Variants in THUMPD2 observed in about 807,000 individuals in gnomAD.
THUMPD2 encodes the protein U6 snRNA (guanine-N(2))-methyltransferase THUMPD2.
THUMPD2 carries 56 observed loss-of-function variants against 49.4 expected under a neutral mutation model. The ratio of observed to expected loss-of-function variants is 1.13; its 90% CI spans 0.91 to 1.41. THUMPD2 has a LOEUF of 1.41. Ranked by LOEUF, THUMPD2 falls within the 40% of genes most tolerant of loss-of-function variation. The pLI, the probability that THUMPD2 is intolerant of heterozygous loss-of-function variation, is 0.00. For synonymous variants in THUMPD2, 237 were observed against 205.2 expected (o/e 1.15, Z -1.32); for missense variants, 709 against 594.5 (o/e 1.19, Z -2.00).
intron 8 of THUMPD2, among the ~76,000 whole-genome samples, chr2:39,746,006 A>G (rs1200031041): frequency 6.6e-6 from 1 of 152,202 alleles, no homozygotes; most frequent in Non-Finnish European, 1.5e-5. Flanking sequence ...GTAAAATGGA[A>G]TAAGATTATG....
intron 6 of THUMPD2, among the ~76,000 whole-genome samples, chr2:39,759,841 T>G (rs6742072): frequency 3.3e-5 from 5 of 152,116 alleles, no homozygotes; most frequent in African/African-American, 1.2e-4. Flanking sequence ...AGGAAGAAAT[T>G]TGAAGATACA....
chr2:39,757,480 G>A lies in THUMPD2; in HGVS notation c.892-1520C>T. Reference sequence around the variant, plus strand: ...ATGAAGGGGCAGTAAGGAGCAGAAGGAAAAATTTAAATGCAAATTTTGTTG... The same window carrying A: ...ATGAAGGGGCAGTAAGGAGCAGAAGAAAAAATTTAAATGCAAATTTTGTTG... On this transcript the variant is annotated intron_variant, in intron 6 of 9. Coordinates refer to ENST00000505747, the MANE Select transcript of THUMPD2 (RefSeq NM_025264.5). The A allele has an allele frequency of 2.6e-6, 3 of 1,171,460 alleles. No homozygotes were observed. The East Asian group carries it at 1.8e-4, about 69-fold the overall frequency. The allele number at this position is 1,171,460 out of a possible 1,614,324, so 72.6% of individuals were successfully genotyped here.
Position 39,755,945 on chromosome 2 carries a change from A to C in THUMPD2, c.907T>G (p.Leu303Val). 1 of 1,613,864 alleles carries C rather than the reference A, an allele frequency of 6.2e-7. No individual in the cohort carries two copies. The highest frequency in any genetic ancestry group is 8.5e-7 in the Non-Finnish European group (1 of 1,179,832). Residue 303 changes from leucine to valine, a missense_variant, in exon 7 of 10, where the codon TTA becomes GTA. By Grantham distance (32) the Leu-to-Val change is conservative. Coordinates refer to ENST00000505747, the MANE Select transcript of THUMPD2 (RefSeq NM_025264.5). ...LADIKAGAFV[L>V]DPMCGLGTIL... is the part of the protein sequence containing the mutation. ...GTTCCAAGTCCACACATTGGATCTA[A>C]AACAAATGCACCAGCCTGCAGACAG...
At chr2:39,744,569 T>C (rs1003732972) in intron 8 of THUMPD2, 91 bp from the exon 9 acceptor site, 3 of 800,208 alleles carry the variant, frequency 3.7e-6, no homozygotes, top group East Asian at 6.2e-5. Flanking sequence ...AGGATTATTT[T>C]TGCGTAACAG....
At chr2:39,763,349 AT>A (rs1677078217) in intron 5 of THUMPD2, among the ~76,000 whole-genome samples, 1 of 152,114 alleles carries the variant, frequency 6.6e-6, no homozygotes, top group Admixed American at 6.6e-5. Flanking sequence ...ACTATCCTGG[AT>A]TTCATATATT....
At chr2:39,764,051 C>G (rs1489354074) in intron 5 of THUMPD2, among the ~76,000 whole-genome samples, 1 of 152,230 alleles carries the variant, frequency 6.6e-6, no homozygotes. Flanking sequence ...CTTTCCTTCT[C>G]TTCTCCATGC....
intron 8 of THUMPD2, among the ~76,000 whole-genome samples, chr2:39,747,596 T>C (rs189250634): frequency 1.4e-4 from 21 of 152,326 alleles, no homozygotes; most frequent in Admixed American, 8.5e-4. Flanking sequence ...TCCAATAAAT[T>C]GGTTTATTAT....
At chr2:39,747,466 T>C (rs949953203) in intron 8 of THUMPD2, among the ~76,000 whole-genome samples, 3 of 152,178 alleles carry the variant, frequency 2.0e-5, no homozygotes, top group African/African-American at 7.2e-5. Context: ...GACATCTGGA[T>C]TGGGTCACCA....
chr2:39,754,429 C>T (rs1307676001), intron 8 of THUMPD2, among the ~76,000 whole-genome samples: 1 of 152,134 alleles, frequency 6.6e-6, no homozygotes, highest in East Asian at 1.9e-4. Context: ...GTATTTTCTT[C>T]TGTTGATACT....
intron 6 of THUMPD2, among the ~76,000 whole-genome samples, chr2:39,760,886 T>G (rs1013149540): frequency 2.6e-5 from 4 of 152,116 alleles, no homozygotes; most frequent in African/African-American, 9.7e-5. Context: ...AATATGAGAT[T>G]TCAAAAACTT....
In THUMPD2 at chr2:39,779,207, C is replaced by T. The variant is rs545002060; in HGVS notation, c.33G>A (p.Gly11=). ...AGAAGAATCGGGCGCCAGCCTCAGGCCCGGACCCTGGCTCTCCACGCGCCT... is the reference window on the plus strand; with the variant it reads ...AGAAGAATCGGGCGCCAGCCTCAGGTCCGGACCCTGGCTCTCCACGCGCCT... MSEARGEPGS[G]PEAGARFFCT... Residue 11 remains glycine, a synonymous_variant, in exon 1 of 10, where the codon GGG becomes GGA. Coordinates refer to ENST00000505747, the MANE Select transcript of THUMPD2 (RefSeq NM_025264.5). 2.0e-6 allele frequency: 3 copies of T among 1,510,780 alleles called. No homozygotes were observed. The highest frequency in any genetic ancestry group is 1.4e-5 in the African/African-American group (1 of 69,338). 93.6% of individuals were successfully genotyped at this position (1,510,780 alleles called of 1,614,324 possible). A position where few individuals can be genotyped will look rare whatever the true frequency, so the allele number is the denominator to read the frequency against.
At chr2:39,751,360 G>A (rs575616787) in intron 8 of THUMPD2, among the ~76,000 whole-genome samples, 63 of 152,362 alleles carry the variant, frequency 4.1e-4, no homozygotes, top group African/African-American at 1.5e-3. Flanking sequence ...CACAACTGTT[G>A]CCAATAATCT....
At chr2:39,774,311 A>C (rs185150796) in intron 1 of THUMPD2, among the ~76,000 whole-genome samples, 2 of 152,374 alleles carry the variant, frequency 1.3e-5, no homozygotes, top group East Asian at 3.9e-4. Flanking sequence ...AATGTTTAAC[A>C]TTAGAAGTGT....
intron 8 of THUMPD2, among the ~76,000 whole-genome samples, chr2:39,753,958 G>GCA (rs1021307467): frequency 6.6e-6 from 1 of 151,968 alleles, no homozygotes; most frequent in Admixed American, 6.6e-5. Flanking sequence ...CCTTTAAAAA[G>GCA]CACACACACA....
intron 3 of THUMPD2, 44 bp from the exon 4 acceptor site, chr2:39,768,545 A>AT: frequency 6.6e-7 from 1 of 1,523,814 alleles, no homozygotes; most frequent in Non-Finnish European, 9.0e-7. Flanking sequence ...AAAAATGAAA[A>AT]TTTTAAGTTT....
rs1433221079 is a variant in THUMPD2 at position 39,778,205 on chromosome 2, C to G, written c.126+909G>C. Among the ~76,000 whole-genome samples the G allele has an allele frequency of 2.0e-5, 3 of 152,318 alleles. No individual in the cohort carries two copies. The East Asian group carries it at 5.8e-4, about 29-fold the overall frequency. On this transcript the variant is annotated intron_variant, in intron 1 of 9. Coordinates refer to ENST00000505747, the MANE Select transcript of THUMPD2 (RefSeq NM_025264.5). ...AAGATCTAAGAACATGTGCCTGACA[C>G]ATATTAAATGTTCAATAAATGTCAG...
In THUMPD2 at chr2:39,771,581, C is replaced by T. The variant is rs1678319996; in HGVS notation, c.186G>A (p.Lys62=). The change falls in exon 2 of 10, where the codon AAG becomes AAA. Residue 62 remains lysine (K), a synonymous_variant. Transcript: ENST00000505747. ...FTTCSDLNML[K]KLKSAERLFL... is the part of the protein sequence containing the mutation. ...ATAATCTTTCTGCAGATTTTAATTT[C>T]TTCAACATATTCAAATCAGAACAGG... 1.9e-6 allele frequency: 3 copies of T among 1,605,536 alleles called. No homozygotes were observed. The South Asian group carries it at 3.4e-5, about 18-fold the overall frequency.
intron 8 of THUMPD2, 116 bp downstream of exon 8, chr2:39,755,178 AC>A: frequency 1.7e-6 from 1 of 594,362 alleles, no homozygotes; most frequent in South Asian, 2.6e-5. Flanking sequence ...TATTAGTCCC[AC>A]AGATATATTA....
At chr2:39,775,202 C>T (rs778544877) in intron 1 of THUMPD2, among the ~76,000 whole-genome samples, 12 of 152,002 alleles carry the variant, frequency 7.9e-5, no homozygotes, top group Non-Finnish European at 1.2e-4. Flanking sequence ...TTGCTTGAGC[C>T]GGGGAAATCA....
Sources: gnomAD v4.1 joint callset for allele counts (sites outside exome capture counted in the v4.1 genomes callset) on GRCh38, gnomAD v4.1.1 for gene constraint, MANE v1.5 for transcripts, NCBI Gene and HGNC (gene_info 2026-07-23, HGNC 2026-07-21) for gene names.